DPP6: variants seen among roughly 807,000 people sequenced by gnomAD.
The protein encoded by DPP6 is dipeptidyl peptidase like 6.
DPP6 carries 69 observed loss-of-function variants against 122.6 expected under a neutral mutation model. The observed-to-expected ratio is 0.56, with a 90% CI of 0.46 to 0.69. The LOEUF (loss-of-function observed/expected upper bound fraction) is 0.69. Ranked by LOEUF, DPP6 falls within the 30% of genes least tolerant of loss-of-function variation. The probability of loss-of-function intolerance (pLI) is 0.00; values close to 1 mark genes in which losing one functional copy is unlikely to be tolerated. For missense variants in DPP6, 928 were observed against 1,116.9 expected (o/e 0.83, Z 2.41); for synonymous variants, 418 against 433.1 (o/e 0.97, Z 0.43).
intron 1 of DPP6, among the ~76,000 whole-genome samples, chr7:153,975,565 T>C (rs867264235): frequency 6.6e-6 from 1 of 150,992 alleles, no homozygotes; most frequent in Admixed American, 6.6e-5. Context: ...AAAAAGAAAA[T>C]ACTGCAATGA....
intron 3 of DPP6, among the ~76,000 whole-genome samples, chr7:154,513,159 A>G (rs1198489705): frequency 6.6e-6 from 1 of 152,146 alleles, no homozygotes; most frequent in African/African-American, 2.4e-5. Context: ...TTCTTCATAA[A>G]TGACTTATAG....
At chr7:154,259,121 T>A (rs1937205056) in intron 1 of DPP6, among the ~76,000 whole-genome samples, 1 of 152,174 alleles carries the variant, frequency 6.6e-6, no homozygotes, top group Non-Finnish European at 1.5e-5. Flanking sequence ...TGTGCAGCCA[T>A]GTGTTTTATG....
At chr7:153,794,493 G>A in the DPP6 span, among the ~76,000 whole-genome samples, 3 of 152,172 alleles carry the variant, frequency 2.0e-5, no homozygotes, top group African/African-American at 7.2e-5. Flanking sequence ...ATTGTATCTA[G>A]GAAGTTAACT....
chr7:153,768,267 A>G, the DPP6 span, among the ~76,000 whole-genome samples: 143,559 of 143,566 alleles, frequency 1, 71,776 homozygotes, highest in Middle Eastern at 1. Flanking sequence ...AAAGAAAAAG[A>G]AAAAGGTTTA....
chr7:154,106,865 G>A (rs539464395), intron 1 of DPP6, among the ~76,000 whole-genome samples: 11 of 152,214 alleles, frequency 7.2e-5, no homozygotes, highest in African/African-American at 2.4e-4. Flanking sequence ...ACGCACTGAC[G>A]CTGAGTGCTT....
chr7:153,947,760 C>T (rs997297302), intron 1 of DPP6, among the ~76,000 whole-genome samples: 3 of 152,134 alleles, frequency 2.0e-5, no homozygotes, highest in Non-Finnish European at 4.4e-5. Flanking sequence ...AGCCTCCTCC[C>T]GGCTGCCTCT....
At position 154,282,404 on chromosome 7, in the gene DPP6, TG is replaced by T. The variant is rs1290627252; in HGVS notation, c.244-163806del. 6.6e-6 allele frequency among the ~76,000 whole-genome samples: 1 copy of T among 152,224 alleles called. No individual in the cohort carries two copies. ...TTAACTGAGCAGAGGCAGCCGTACC[TG>T]GGGTGCTGATTAGCACTGTGCAATG... On this transcript the variant is annotated intron_variant, in intron 1 of 25. Coordinates refer to ENST00000377770, the MANE Select transcript of DPP6 (RefSeq NM_130797.4). This position sits in a 1 kb window ranked among gnomAD's most constrained non-coding sequence, Gnocchi z 4.8.
intron 1 of DPP6, among the ~76,000 whole-genome samples, chr7:153,984,155 C>A (rs1796728316): frequency 6.6e-6 from 1 of 151,986 alleles, no homozygotes; most frequent in Admixed American, 6.6e-5. Context: ...GAATATCACT[C>A]ACACAGCAAA....
chr7:154,190,911 CATT>C (rs1409221840), intron 1 of DPP6, among the ~76,000 whole-genome samples: 1 of 152,106 alleles, frequency 6.6e-6, no homozygotes, highest in Admixed American at 6.5e-5. Flanking sequence ...AGAAAATTTC[CATT>C]ATCAGCTGTT....
intron 1 of DPP6, among the ~76,000 whole-genome samples, chr7:154,351,664 A>T (rs1810869015): frequency 6.6e-6 from 1 of 152,136 alleles, no homozygotes; most frequent in Non-Finnish European, 1.5e-5. Flanking sequence ...GCTGATCTAC[A>T]AGGGTAACCA....
At chr7:154,343,859 G>T (rs964564111) in intron 1 of DPP6, among the ~76,000 whole-genome samples, 1 of 152,216 alleles carries the variant, frequency 6.6e-6, no homozygotes, top group African/African-American at 2.4e-5. Flanking sequence ...GGGATTACAG[G>T]CGTGTGCCAC....
At chr7:154,209,044 T>C (rs1799600460) in intron 1 of DPP6, among the ~76,000 whole-genome samples, 1 of 152,116 alleles carries the variant, frequency 6.6e-6, no homozygotes, top group South Asian at 2.1e-4. Context: ...GAAGTTAGAG[T>C]TGTCAGGTCC....
intron 1 of DPP6, among the ~76,000 whole-genome samples, chr7:154,362,920 A>T (rs926108347): frequency 6.6e-6 from 1 of 152,190 alleles, no homozygotes; most frequent in Non-Finnish European, 1.5e-5. Flanking sequence ...TCGTCCCTGC[A>T]CCAACCATCA....
chr7:154,521,956 GTCTT>G (rs1362847811), intron 3 of DPP6, among the ~76,000 whole-genome samples: 1 of 151,236 alleles, frequency 6.6e-6, no homozygotes, highest in South Asian at 2.1e-4. Context: ...ATATTACGTG[GTCTT>G]TCTAACTCTT....
chr7:153,827,881 G>A, the DPP6 span, among the ~76,000 whole-genome samples: 1 of 152,298 alleles, frequency 6.6e-6, no homozygotes, highest in East Asian at 1.9e-4. Flanking sequence ...TGCACCCTGT[G>A]TAACAAGGTG....
intron 5 of DPP6, among the ~76,000 whole-genome samples, chr7:154,628,948 G>A (rs761727837): frequency 2.0e-5 from 3 of 152,198 alleles, no homozygotes; most frequent in Non-Finnish European, 4.4e-5. Flanking sequence ...CAGGTGAAAG[G>A]TGTGGCGGGG....
intron 1 of DPP6, among the ~76,000 whole-genome samples, chr7:153,947,922 G>C (rs192912295): frequency 6.6e-6 from 1 of 152,266 alleles, no homozygotes; most frequent in Non-Finnish European, 1.5e-5. Context: ...ATAATATTCA[G>C]TATGCCAAGG....
the DPP6 span, among the ~76,000 whole-genome samples, chr7:153,803,034 C>G: frequency 6.6e-6 from 1 of 151,152 alleles, no homozygotes; most frequent in Non-Finnish European, 1.5e-5. Flanking sequence ...TGTTCCACGT[C>G]TGTGAGAGCA....
the DPP6 span, among the ~76,000 whole-genome samples, chr7:153,828,170 C>T: frequency 2.3e-3 from 343 of 152,260 alleles, 2 homozygotes; most frequent in African/African-American, 7.8e-3. Context: ...TCATGAGAGG[C>T]CCACTTCCTC....
Sources: gnomAD v4.1 joint callset for allele counts (sites outside exome capture counted in the v4.1 genomes callset) on GRCh38, gnomAD v4.1.1 for gene constraint, Gnocchi (gnomAD v3.1) non-coding constraint, MANE v1.5 for transcripts, NCBI Gene and HGNC (gene_info 2026-07-23, HGNC 2026-07-21) for gene names.